Variants in RGS6 observed in about 807,000 individuals in gnomAD.
RGS6 encodes regulator of G protein signaling 6.
RGS6 carries 30 observed loss-of-function variants against 78.5 expected under a neutral mutation model. The ratio of observed to expected loss-of-function variants is 0.38; its 90% confidence interval spans 0.29 to 0.52. The LOEUF (loss-of-function observed/expected upper bound fraction) is 0.52. Ranked by LOEUF, RGS6 falls within the 20% of genes least tolerant of loss-of-function variation. RGS6 has a pLI of 0.85. For synonymous variants in RGS6, 206 were observed against 206.0 expected, an observed-to-expected ratio of 1.00 and a Z score of 0.00; for missense variants, 495 against 609.7, an observed-to-expected ratio of 0.81 and a Z score of 1.98.
At chr14:72,581,852 C>G in the RGS6 span, among the ~76,000 whole-genome samples, 2 of 152,276 alleles carry the variant, frequency 1.3e-5, no homozygotes, top group African/African-American at 2.4e-5. Flanking sequence ...GTTGCTATAA[C>G]AGAATACACA....
chr14:72,559,395 G>A (rs76887471), intron 17 of RGS6, among the ~76,000 whole-genome samples: 29 of 152,174 alleles, frequency 1.9e-4, no homozygotes, highest in African/African-American at 6.5e-4. Flanking sequence ...CCAAAGCCCC[G>A]GGCCAGGCAT....
chr14:72,591,393 T>A, the RGS6 span, among the ~76,000 whole-genome samples: 1 of 152,210 alleles, frequency 6.6e-6, no homozygotes, highest in Non-Finnish European at 1.5e-5. Flanking sequence ...ATTTTTTTCA[T>A]CTTATCTTTC....
At chr14:72,189,872 C>T (rs1298944242) in intron 2 of RGS6, among the ~76,000 whole-genome samples, 1 of 152,132 alleles carries the variant, frequency 6.6e-6, no homozygotes, top group Non-Finnish European at 1.5e-5. Context: ...AAACATAAGC[C>T]AGGATCCACA....
chr14:72,116,567 A>G (rs1399279523), intron 2 of RGS6, among the ~76,000 whole-genome samples: 1 of 151,868 alleles, frequency 6.6e-6, no homozygotes, highest in Non-Finnish European at 1.5e-5. Flanking sequence ...AATCATTGCC[A>G]AGTGTCACAT....
intron 2 of RGS6, among the ~76,000 whole-genome samples, chr14:72,153,547 C>A (rs2096724820): frequency 6.6e-6 from 1 of 152,242 alleles, no homozygotes; most frequent in Non-Finnish European, 1.5e-5. Context: ...AATGTAGGTT[C>A]TTTCTATTTT....
intron 4 of RGS6, 32 bp from the exon 5 acceptor site, chr14:72,458,239 A>T: frequency 1.3e-6 from 2 of 1,527,608 alleles, no homozygotes; most frequent in Non-Finnish European, 1.8e-6. Flanking sequence ...CTGCTTTCTA[A>T]TTCCTTCTCT....
At chr14:72,549,954 T>A (rs2097478385) in intron 17 of RGS6, among the ~76,000 whole-genome samples, 1 of 152,170 alleles carries the variant, frequency 6.6e-6, no homozygotes, top group South Asian at 2.1e-4. Flanking sequence ...CAGGGGGACT[T>A]GTCCTCAGCC....
chr14:71,894,437 C>T, the RGS6 span, among the ~76,000 whole-genome samples: 74 of 152,254 alleles, frequency 4.9e-4, 2 homozygotes, highest in East Asian at 0.014. Flanking sequence ...CACATGTCCC[C>T]ATATATACAA....
chr14:72,099,916 T>C (rs2095492531), intron 2 of RGS6, among the ~76,000 whole-genome samples: 1 of 152,108 alleles, frequency 6.6e-6, no homozygotes, highest in African/African-American at 2.4e-5. Flanking sequence ...TATTACTGTG[T>C]GAGTGATGGG....
chr14:72,133,673 A>T (rs916475219), intron 2 of RGS6, among the ~76,000 whole-genome samples: 2 of 152,024 alleles, frequency 1.3e-5, no homozygotes, highest in African/African-American at 4.8e-5. Flanking sequence ...CCAGGATCTG[A>T]TTGGATGGAT....
chr14:72,530,633 G>T (rs781031474), intron 15 of RGS6, among the ~76,000 whole-genome samples: 7 of 152,218 alleles, frequency 4.6e-5, no homozygotes, highest in Middle Eastern at 3.2e-3. Context: ...GGAGGTTGCA[G>T]TGAGCCAAGA....
chr14:72,326,510 G>A (rs2073804318), intron 2 of RGS6, among the ~76,000 whole-genome samples: 2 of 151,978 alleles, frequency 1.3e-5, no homozygotes, highest in South Asian at 4.2e-4. Context: ...GGTTGTTTAA[G>A]TGTGTGGTAC....
rs115579512 is a variant in RGS6 at position 72,070,860 on chromosome 14, A to G, written c.84+105985A>G. ...TCGCAGGGATTGTATGTATGTATGC[A>G]TGTGTATGAATATATGTTATGTATA... is the stretch of plus-strand genomic sequence containing the variant. On this transcript the variant is annotated intron_variant, in intron 2 of 17. Coordinates refer to ENST00000553525, the MANE Select transcript of RGS6 (RefSeq NM_001204424.2). Among the ~76,000 whole-genome samples the G allele has an allele frequency of 4.9e-3, 743 of 152,334 alleles. 12 individuals are homozygous for G. The highest frequency in any genetic ancestry group is 0.017 in the African/African-American group (714 of 41,572).
chr14:72,117,841 G>T (rs138284792), intron 2 of RGS6, among the ~76,000 whole-genome samples: 3 of 152,234 alleles, frequency 2.0e-5, no homozygotes, highest in Non-Finnish European at 4.4e-5. Context: ...CCTTTGCCTT[G>T]TGACCCACAA....
the RGS6 span, among the ~76,000 whole-genome samples, chr14:72,620,914 G>A: frequency 5.3e-5 from 8 of 152,338 alleles, no homozygotes; most frequent in South Asian, 6.2e-4. Flanking sequence ...GCCAAGGCGC[G>A]TGGTTCACTT....
At chr14:72,627,774 A>G in the RGS6 span, among the ~76,000 whole-genome samples, 1 of 152,132 alleles carries the variant, frequency 6.6e-6, no homozygotes, top group East Asian at 1.9e-4. Flanking sequence ...AAGTCATTCT[A>G]TCCAAGATCA....
chr14:72,435,867 T>A (rs949920748), intron 3 of RGS6, among the ~76,000 whole-genome samples: 1 of 151,980 alleles, frequency 6.6e-6, no homozygotes, highest in African/African-American at 2.4e-5. Flanking sequence ...CTCTCCATCT[T>A]GAGGTCCTTA....
At chr14:72,507,979 C>T (rs1161482141) in intron 13 of RGS6, among the ~76,000 whole-genome samples, 2 of 152,146 alleles carry the variant, frequency 1.3e-5, no homozygotes, top group East Asian at 1.9e-4. Context: ...TTTTTGGTTC[C>T]CTTGAAAGTT....
chr14:72,373,193 T>C (rs1202523148), intron 3 of RGS6, among the ~76,000 whole-genome samples: 1 of 152,116 alleles, frequency 6.6e-6, no homozygotes, highest in African/African-American at 2.4e-5. Context: ...CTGGACTAAA[T>C]TGCAAGTGAC....
Sources: gnomAD v4.1 joint callset for allele counts (sites outside exome capture counted in the v4.1 genomes callset) on GRCh38, gnomAD v4.1.1 for gene constraint, MANE v1.5 for transcripts, NCBI Gene and HGNC (gene_info 2026-07-23, HGNC 2026-07-21) for gene names.